The following MAEA variants were observed in gnomAD, a reference collection of about 807,000 sequenced individuals.
The protein encoded by MAEA is E3 ubiquitin-protein transferase MAEA.
Under a neutral mutation model 46.2 loss-of-function variants are expected in MAEA, and 22 were observed. The observed-to-expected ratio is 0.48, with a 90% CI of 0.34 to 0.68. MAEA has a LOEUF of 0.68. Among genes scored for constraint, MAEA ranks in the 30% least tolerant of loss-of-function variants. MAEA has a pLI of 0.01. For missense variants in MAEA, 393 were observed against 558.1 expected (o/e 0.70, Z 2.98); for synonymous variants, 246 against 222.6 (o/e 1.11, Z -0.94).
Position 1,309,562 on chromosome 4 carries a change from G to A in MAEA, c.70-2417G>A, listed in dbSNP as rs58038187. 4.1e-3 allele frequency: 6,071 copies of A among 1,469,950 alleles called. 225 individuals carry two copies. In the African/African-American group the frequency reaches 0.073, roughly 18 times the overall value. 91.1% of individuals were successfully genotyped at this position (1,469,950 alleles called of 1,614,324 possible). A position where few individuals can be genotyped will look rare whatever the true frequency, so the allele number is the denominator to read the frequency against. On this transcript the variant is annotated intron_variant, in intron 1 of 8. Transcript: ENST00000303400. ...CCCTGAACTCAGATTGGATAGCCCC[G>A]GGCCAGCGCTGGAGGAGGAGCAGAG...
intron 3 of MAEA, among the ~76,000 whole-genome samples, chr4:1,319,218 T>C (rs1737695170): frequency 6.6e-6 from 1 of 151,930 alleles, no homozygotes; most frequent in African/African-American, 2.4e-5. Context: ...CTGGGAGTGT[T>C]GGTGGGTGCC....
At chr4:1,295,665 GTACCCCCTCACCCGCTCCTA>G (rs1229995311) in intron 1 of MAEA, among the ~76,000 whole-genome samples, 1 of 77,104 alleles carries the variant, frequency 1.3e-5, no homozygotes, top group African/African-American at 5.0e-5. Context: ...ACCCGCTCCT[GTACCCCCTCACCCGCTCCTA>G]TACCCCCTCA....
intron 6 of MAEA, among the ~76,000 whole-genome samples, chr4:1,333,662 GTGCCCACCCCTGCACCCACCCCA>G (rs1453557639): frequency 8.1e-6 from 1 of 124,098 alleles, no homozygotes; most frequent in African/African-American, 3.0e-5. Context: ...CTCTGCACCC[GTGCCCACCCCTGCACCCACCCCA>G]TGCCCACCGT....
chr4:1,335,225 A>G, intron 6 of MAEA: 10 of 985,496 alleles, frequency 1.0e-5, no homozygotes, highest in Non-Finnish European at 1.1e-5. Context: ...TTCATACATG[A>G]TTTCTCTGAA....
At chr4:1,326,426 G>A (rs1178399074) in intron 4 of MAEA, among the ~76,000 whole-genome samples, 1 of 152,218 alleles carries the variant, frequency 6.6e-6, no homozygotes, top group Non-Finnish European at 1.5e-5. Context: ...AGACGGACAT[G>A]TCACTTCCGT....
chr4:1,309,601 A>G, intron 1 of MAEA: 7 of 1,509,564 alleles, frequency 4.6e-6, no homozygotes, highest in Non-Finnish European at 6.2e-6. Context: ...GGGAGGTGGG[A>G]GGAGCGTGCG....
chr4:1,328,550 G>A (rs566265827), intron 5 of MAEA: 13 of 1,076,796 alleles, frequency 1.2e-5, no homozygotes, highest in Admixed American at 7.3e-5. Flanking sequence ...GCTCCCGGGC[G>A]AGTGCCCAGC....
At chr4:1,337,265 A>C in intron 7 of MAEA, 1 of 483,674 alleles carries the variant, frequency 2.1e-6, no homozygotes. Flanking sequence ...TAAAAGCCCG[A>C]TTTTGATGTG....
At chr4:1,322,957 T>C (rs1479500194) in intron 4 of MAEA, among the ~76,000 whole-genome samples, 1 of 141,146 alleles carries the variant, frequency 7.1e-6, no homozygotes, top group Non-Finnish European at 1.5e-5. Flanking sequence ...TTTTTTTTTT[T>C]TTTTTTTTTT....
chr4:1,308,144 C>T (rs1736013644), intron 1 of MAEA, among the ~76,000 whole-genome samples: 1 of 151,816 alleles, frequency 6.6e-6, no homozygotes, highest in Non-Finnish European at 1.5e-5. Context: ...CAGCCTGTGG[C>T]TCCTGGGCTG....
intron 3 of MAEA, among the ~76,000 whole-genome samples, chr4:1,320,003 T>A (rs1560363136): frequency 2.9e-5 from 3 of 103,062 alleles, no homozygotes; most frequent in African/African-American, 3.9e-5. Flanking sequence ...AAAGCAAACA[T>A]GCAAGAAAAC....
intron 1 of MAEA, among the ~76,000 whole-genome samples, chr4:1,310,637 A>G (rs1736373376): frequency 6.6e-6 from 1 of 152,318 alleles, no homozygotes; most frequent in Middle Eastern, 3.4e-3. Flanking sequence ...GCTGGCTGCC[A>G]TTTGCAAAGC....
At chr4:1,332,597 G>A in intron 5 of MAEA, 160 bp from the exon 6 acceptor site, 2 of 574,402 alleles carry the variant, frequency 3.5e-6, no homozygotes, top group Non-Finnish European at 6.3e-6. Flanking sequence ...CACATCTGCG[G>A]TCTCAGCTTC....
rs547227455 is a variant in MAEA at position 1,313,966 on chromosome 4, C to T, written c.253-1431C>T. Among the ~76,000 whole-genome samples, 5 of 149,690 alleles carry T rather than the reference C, an allele frequency of 3.3e-5. No homozygotes were observed. The South Asian group carries it at 6.5e-4, about 19-fold the overall frequency. ...GGAGAATCGCTTGAGCCCAGGAGGT[C>T]GAGGTTGTAGTGAGCAGAGATTGTG... On this transcript the variant is annotated intron_variant, in intron 2 of 8. Coordinates refer to ENST00000303400, the MANE Select transcript of MAEA (RefSeq NM_001017405.3).
intron 5 of MAEA, chr4:1,328,722 A>T (rs963534854): frequency 3.2e-6 from 4 of 1,250,432 alleles, no homozygotes; most frequent in Admixed American, 2.6e-5. Context: ...CCCAAGACGC[A>T]CGGCAGAACC....
chr4:1,310,008 C>G (rs1419646868), intron 1 of MAEA: 2 of 1,216,332 alleles, frequency 1.6e-6, no homozygotes, highest in East Asian at 6.7e-5. Flanking sequence ...TGTGCGGATG[C>G]TGTGTGGGTT....
At chr4:1,329,011 G>A (rs1464087658) in intron 5 of MAEA, 2 of 986,422 alleles carry the variant, frequency 2.0e-6, no homozygotes, top group Non-Finnish European at 1.2e-6. Context: ...TGTGGCCTCG[G>A]TGCCTGTGTC....
chr4:1,308,338 G>A (rs1736032622), intron 1 of MAEA, among the ~76,000 whole-genome samples: 1 of 152,224 alleles, frequency 6.6e-6, no homozygotes, highest in African/African-American at 2.4e-5. Context: ...GTGTGTGACT[G>A]CCACGTTTTC....
At chr4:1,336,491 A>C (rs1712781764) in intron 6 of MAEA, among the ~76,000 whole-genome samples, 1 of 152,014 alleles carries the variant, frequency 6.6e-6, no homozygotes, top group African/African-American at 2.4e-5. Flanking sequence ...CAGTGTGTTG[A>C]AATCAGAGTT....
Sources: gnomAD v4.1 joint callset for allele counts (sites outside exome capture counted in the v4.1 genomes callset) on GRCh38, gnomAD v4.1.1 for gene constraint, MANE v1.5 for transcripts, NCBI Gene and HGNC (gene_info 2026-07-23, HGNC 2026-07-21) for gene names.